Variants in SLC2A9 observed in about 807,000 individuals in gnomAD.
SLC2A9 encodes the protein solute carrier family 2 member 9.
SLC2A9 carries 39 observed loss-of-function variants against 50.6 expected under a neutral mutation model. The observed-to-expected ratio is 0.77, with a 90% confidence interval of 0.60 to 1.01. The LOEUF (loss-of-function observed/expected upper bound fraction) is 1.01. SLC2A9 is among the 50% of genes least tolerant of loss of function. The pLI is 0.00. For synonymous variants in SLC2A9, 324 were observed against 276.9 expected (o/e 1.17, Z -1.69); for missense variants, 686 against 677.6 (o/e 1.01, Z -0.14).
At chr4:9,924,345 C>G (rs556467452) in intron 6 of SLC2A9, among the ~76,000 whole-genome samples, 1 of 152,318 alleles carries the variant, frequency 6.6e-6, no homozygotes, top group African/African-American at 2.4e-5. Flanking sequence ...GGTGTGTGCT[C>G]AGCCCTCAGC....
chr4:10,013,594 C>T (rs1280185381), intron 2 of SLC2A9, among the ~76,000 whole-genome samples: 2 of 152,200 alleles, frequency 1.3e-5, no homozygotes, highest in Non-Finnish European at 2.9e-5. Context: ...CAATTCTGAA[C>T]CTGGGTCAAG....
At chr4:9,821,878 G>C (rs1724451219), downstream of SLC2A9, among the ~76,000 whole-genome samples, 1 of 152,164 alleles carries the variant, frequency 6.6e-6, no homozygotes, top group African/African-American at 2.4e-5. Flanking sequence ...TCCTTTGTTG[G>C]AAAGTTTTAG....
At chr4:10,030,454 T>C (rs758299721) in intron 1 of SLC2A9, among the ~76,000 whole-genome samples, 3 of 152,192 alleles carry the variant, frequency 2.0e-5, no homozygotes, top group Non-Finnish European at 2.9e-5. Context: ...TGAACCCTAA[T>C]GTACAAAATG....
intron 2 of SLC2A9, among the ~76,000 whole-genome samples, chr4:10,016,739 C>T (rs755923546): frequency 3.3e-5 from 5 of 152,032 alleles, no homozygotes; most frequent in Non-Finnish European, 5.9e-5. Context: ...TAAGGAGGCA[C>T]GTGTTCTCAG....
chr4:9,805,788 A>C (rs1423558653), intron 3 of SLC2A9, among the ~76,000 whole-genome samples: 3 of 151,566 alleles, frequency 2.0e-5, no homozygotes, highest in East Asian at 3.9e-4. Context: ...GATGAATAGT[A>C]ATGGCAATAG....
intron 10 of SLC2A9, among the ~76,000 whole-genome samples, chr4:9,836,330 G>T (rs145156944): frequency 8.3e-4 from 127 of 152,110 alleles, no homozygotes; most frequent in African/African-American, 2.7e-3. Context: ...AAAGGGGAGT[G>T]AGCAAATGAA....
downstream of SLC2A9, among the ~76,000 whole-genome samples, chr4:9,796,481 C>T (rs1720611187): frequency 6.6e-6 from 1 of 152,148 alleles, no homozygotes. Context: ...ATCATGCCTC[C>T]TTATGCAGTG....
At chr4:9,855,235 G>T (rs6852425) in intron 10 of SLC2A9, among the ~76,000 whole-genome samples, 71,755 of 152,026 alleles carry the variant, frequency 0.47, 19,301 homozygotes, top group African/African-American at 0.74. Flanking sequence ...AAAAAGCTTC[G>T]TGATCTGATA....
chr4:9,791,551 G>C lies in SLC2A9; in HGVS notation n.386-11486C>G, dbSNP rs538891932. ...AGGACCCAAGTGTATTTTGCATGGGGTGGAGGATGTGAATCACTGGGGGCT... is the reference window on the plus strand; with the variant it reads ...AGGACCCAAGTGTATTTTGCATGGGCTGGAGGATGTGAATCACTGGGGGCT... On this transcript the variant is annotated intron_variant and non_coding_transcript_variant, in intron 3 of 3. Coordinates refer to the SLC2A9 transcript ENST00000503803. Among the ~76,000 whole-genome samples the C allele has an allele frequency of 2.0e-5, 3 of 152,308 alleles. No individual in the cohort carries two copies. In the East Asian group the frequency reaches 5.8e-4, roughly 29 times the overall value.
chr4:9,852,106 G>A (rs1161007422), intron 10 of SLC2A9, among the ~76,000 whole-genome samples: 5 of 152,134 alleles, frequency 3.3e-5, no homozygotes, highest in African/African-American at 1.2e-4. Context: ...ATTCTCCAAG[G>A]TCAAAATGAA....
chr4:9,969,796 T>C (rs915314269), intron 5 of SLC2A9, among the ~76,000 whole-genome samples: 1 of 152,176 alleles, frequency 6.6e-6, no homozygotes, highest in Non-Finnish European at 1.5e-5. Flanking sequence ...GAGAACAGTA[T>C]GGGAAAAATC....
At chr4:9,776,933 C>T (rs1191527876), downstream of SLC2A9, among the ~76,000 whole-genome samples, 1 of 152,142 alleles carries the variant, frequency 6.6e-6, no homozygotes, top group African/African-American at 2.4e-5. Context: ...TATCCTGACC[C>T]TTTTACCTCT....
upstream of SLC2A9, chr4:10,021,633 A>C: frequency 1.3e-6 from 1 of 743,018 alleles, no homozygotes; most frequent in Non-Finnish European, 2.2e-6. Flanking sequence ...ACAGTCCAAA[A>C]AGGGAAATCT....
At chr4:9,771,399 G>A in intron 1 of SLC2A9, 1 of 398,174 alleles carries the variant, frequency 2.5e-6, no homozygotes. Context: ...GTAGAGTCAT[G>A]CCAGTTCTTA....
downstream of SLC2A9, among the ~76,000 whole-genome samples, chr4:9,797,695 C>T (rs538363255): frequency 2.6e-4 from 39 of 152,296 alleles, no homozygotes; most frequent in Admixed American, 5.9e-4. Flanking sequence ...GTCAAATGCT[C>T]CCTCCTGAAA....
chr4:9,826,327 G>T lies in SLC2A9; in HGVS notation c.*70C>A. 1.3e-6 allele frequency: 2 copies of T among 1,522,942 alleles called. No homozygotes were observed. The highest frequency in any genetic ancestry group is 1.8e-6 in the Non-Finnish European group (2 of 1,097,626). The allele number at this position is 1,522,942 out of a possible 1,614,324, so 94.3% of individuals were successfully genotyped here. A position where few individuals can be genotyped will look rare whatever the true frequency, so the allele number is the denominator to read the frequency against. On this transcript the variant is annotated 3_prime_UTR_variant, in exon 12 of 12. Transcript: ENST00000264784. ...ATAATGGGTAAATTTTAAGTTTCCT[G>T]AAAAGTGAGATCATCCATGTAGACA...
At chr4:10,014,667 C>T (rs1553913790) in intron 2 of SLC2A9, among the ~76,000 whole-genome samples, 1 of 152,188 alleles carries the variant, frequency 6.6e-6, no homozygotes, top group Non-Finnish European at 1.5e-5. Context: ...GAATACAGTC[C>T]TTCAGCTGTC....
chr4:9,824,988 A>G (rs905561497), downstream of SLC2A9, among the ~76,000 whole-genome samples: 1 of 152,182 alleles, frequency 6.6e-6, no homozygotes, highest in Non-Finnish European at 1.5e-5. Flanking sequence ...AGAAAAGGAA[A>G]ACTGAACTCA....
intron 5 of SLC2A9, among the ~76,000 whole-genome samples, chr4:9,943,767 G>A (rs1245907981): frequency 6.6e-6 from 1 of 152,126 alleles, no homozygotes; most frequent in East Asian, 1.9e-4. Flanking sequence ...TTTTCTCTCG[G>A]GGTTTGGCTG....
Sources: allele counts gnomAD v4.1 joint callset (sites outside exome capture counted in the v4.1 genomes callset), GRCh38; gene constraint gnomAD v4.1.1; transcripts MANE v1.5; gene names NCBI Gene and HGNC (gene_info 2026-07-23, HGNC 2026-07-21).